The following ZSCAN10 variants were observed in gnomAD, a reference collection of about 807,000 sequenced individuals.
ZSCAN10 encodes zinc finger and SCAN domain-containing protein 10.
A neutral mutation model predicts 63.7 loss-of-function variants in ZSCAN10; 52 were observed. The ratio of observed to expected loss-of-function variants is 0.82; its 90% CI spans 0.65 to 1.03. ZSCAN10 has a LOEUF of 1.03. ZSCAN10 is among the 50% of genes least tolerant of loss of function. The pLI is 0.00. For synonymous variants in ZSCAN10, 544 were observed against 479.6 expected (o/e 1.13, Z -1.76); for missense variants, 1,223 against 1,103.8 (o/e 1.11, Z -1.53).
chr16:3,093,451 G>A (rs557769669), intron 1 of ZSCAN10: 1 of 151,226 alleles, frequency 6.6e-6, no homozygotes, highest in African/African-American at 2.4e-5. Context: ...GGGAGGCGGA[G>A]CTTACAGTGA....
In ZSCAN10 at chr16:3,089,248, C is replaced by A; in HGVS notation, c.2186G>T (p.Cys729Phe). The change falls in exon 6 of 6, where the codon TGC (cysteine) becomes TTC (phenylalanine). Residue 729 changes from cysteine to phenylalanine, a missense_variant. By Grantham distance (205) the Cys-to-Phe change is radical (BLOSUM62 -2). Coordinates refer to ENST00000576985, the MANE Select transcript of ZSCAN10 (RefSeq NM_032805.3). ...GCAGCTGCGGCTGAAGCTCTTCCCG[C>A]ACTCCACGCACTCCTGCGGGGGCTC... ...QAEPPQECVE[C>F]GKSFSRSCNL... 1 of 1,577,808 alleles carries A rather than the reference C, an allele frequency of 6.3e-7. No individual in the cohort carries two copies.
At position 3,090,397 on chromosome 16, in the gene ZSCAN10, T is replaced by C. The variant is rs1957056148; in HGVS notation, c.1037A>G (p.Gln346Arg). 1 of 1,613,626 alleles carries C rather than the reference T, an allele frequency of 6.2e-7. No individual in the cohort carries two copies. Residue 346 changes from glutamine (Q) to arginine (R), a missense_variant, in exon 6 of 6, where the codon CAG (glutamine) becomes CGG (arginine). Gln to Arg is a conservative substitution (Grantham distance 43, BLOSUM62 1). Transcript: ENST00000576985. The part of the protein sequence containing the change: ...EGVPEPNPEL[Q>R]FICADCGVSF... ...CACCCCGCAGTCCGCGCAGATGAAC[T>C]GCAACTCCGGATTGGGCTCGGGGAC...
At chr16:3,092,396 C>T (rs761493529) in intron 2 of ZSCAN10, 80 bp from the exon 3 acceptor site, 64 of 1,528,532 alleles carry the variant, frequency 4.2e-5, no homozygotes, top group East Asian at 9.1e-5. Flanking sequence ...GGGACAGAAA[C>T]GAGGTTAGAG....
At position 3,089,309 on chromosome 16, in the gene ZSCAN10, G is replaced by C. The variant is rs61732498; in HGVS notation, c.2125C>G (p.Leu709Val). The C allele has an allele frequency of 0.022, 35,017 of 1,571,790 alleles. 548 individuals carry two copies. Among genetic ancestry groups the C allele is most frequent in the Middle Eastern group, 0.057 (338 of 5,902 alleles). ...FRRNAHLRRH[L>V]ATHAEPGQEQ... is the part of the protein sequence containing the mutation. ...TGCCCGGGCTCCGCATGGGTAGCCA[G>C]GTGCCGCCGCAGATGCGCGTTGCGC... is the stretch of plus-strand genomic sequence containing the variant. The change falls in exon 6 of 6, where the codon CTG becomes GTG. Residue 709 changes from leucine to valine, a missense_variant. Coordinates refer to ENST00000576985, the MANE Select transcript of ZSCAN10 (RefSeq NM_032805.3).
chr16:3,093,826 A>G (rs1957121617), intron 1 of ZSCAN10, among the ~76,000 whole-genome samples: 1 of 151,716 alleles, frequency 6.6e-6, no homozygotes, highest in Non-Finnish European at 1.5e-5. Flanking sequence ...CTGGGATTAC[A>G]GGCCTGTGGC....
Position 3,089,852 on chromosome 16 carries a change from C to G in ZSCAN10, c.1582G>C (p.Gly528Arg), listed in dbSNP as rs1384439500. The G allele has an allele frequency of 3.2e-6, 5 of 1,545,534 alleles. No homozygotes were observed. The highest frequency in any genetic ancestry group is 4.3e-6 in the Non-Finnish European group (5 of 1,151,278). Residue 528 changes from glycine to arginine, a missense_variant, in exon 6 of 6, where the codon GGC (glycine) becomes CGC (arginine). By Grantham distance (125) the Gly-to-Arg change is moderately radical. Transcript: ENST00000576985. ...DRRPFVCSDC[G>R]KAFRRSEHLV... ...TGCTCGCTGCGCCGGAAGGCCTTGC[C>G]GCAGTCGCTGCACACGAAGGGCCTC...
chr16:3,092,965 G>T lies in ZSCAN10; in HGVS notation c.-28C>A. The T allele has an allele frequency of 2.1e-6, 3 of 1,404,084 alleles. No homozygotes were observed. Among genetic ancestry groups the T allele is most frequent in the Non-Finnish European group, 1.8e-6 (2 of 1,082,196 alleles). The allele number at this position is 1,404,084 out of a possible 1,614,324, so 87.0% of individuals were successfully genotyped here. On this transcript the variant is annotated 5_prime_UTR_variant, in exon 2 of 6. Coordinates refer to ENST00000576985, the MANE Select transcript of ZSCAN10 (RefSeq NM_032805.3). ...TTCACTGCGGGGATGCCTCCCTAAC[G>T]CCAGCCCCGCTCTTGGGTCTCTCTC...
chr16:3,090,737 AC>A, intron 5 of ZSCAN10, 91 bp from the exon 6 acceptor site: 1 of 1,405,692 alleles, frequency 7.1e-7, no homozygotes, highest in Non-Finnish European at 9.3e-7. Flanking sequence ...GTGGAAAGAA[AC>A]CCAGGATCCT....
At chr16:3,098,621 C>T (rs1042557287) in intron 1 of ZSCAN10, among the ~76,000 whole-genome samples, 1 of 152,168 alleles carries the variant, frequency 6.6e-6, no homozygotes, top group African/African-American at 2.4e-5. Context: ...TCCCTCCCCC[C>T]AGATCTCCAG....
At position 3,090,327 on chromosome 16, in the gene ZSCAN10, C is replaced by A. The variant is rs1254216665; in HGVS notation, c.1107G>T (p.Ser369=). 1 of 1,609,412 alleles carries A rather than the reference C, an allele frequency of 6.2e-7. No homozygotes were observed. The highest frequency in any genetic ancestry group is 8.5e-7 in the Non-Finnish European group (1 of 1,178,280). The change falls in exon 6 of 6, where the codon TCG becomes TCT. Residue 369 remains serine (S), a synonymous_variant. Coordinates refer to ENST00000576985, the MANE Select transcript of ZSCAN10 (RefSeq NM_032805.3). ...LSRLKAHQLR[S]HPAGRSFLCL... is the part of the protein sequence containing the mutation. ...ACAGGAAGGAGCGCCCAGCCGGGTG[C>A]GAGCGCAGCTGGTGCGCCTTCAGGC...
At position 3,090,456 on chromosome 16, in the gene ZSCAN10, G is replaced by A. The variant is rs771709554; in HGVS notation, c.978C>T (p.Ser326=). The A allele has an allele frequency of 1.7e-5, 27 of 1,613,718 alleles. No individual in the cohort carries two copies. Among genetic ancestry groups the A allele is most frequent in the Admixed American group, 1.2e-4 (7 of 60,000 alleles). ...GPGEDGSLLG[S]SEILEVKVAE... ...CCACTTTGACCTCCAAAATTTCACT[G>A]CTGCCAAGAAGGGACCCATCTTCAC... is the stretch of plus-strand genomic sequence containing the variant. Residue 326 remains serine, a synonymous_variant, in exon 6 of 6, where the codon AGC becomes AGT. Transcript: ENST00000576985.
rs762937703 is a variant in ZSCAN10, at chr16:3,089,666, G to A, written c.1768C>T (p.Arg590Trp). 1.3e-5 allele frequency: 20 copies of A among 1,594,872 alleles called. No homozygotes were observed. In the Admixed American group the frequency reaches 3.1e-4, roughly 25 times the overall value. Reference protein sequence around the residue: ...CPQCGKRFVRRASLARHLLTH... With the variant: ...CPQCGKRFVRWASLARHLLTH... ...AGCAGGTGGCGGGCAAGGCTGGCCC[G>A]GCGCACAAAGCGCTTCCCGCACTGC... The change falls in exon 6 of 6, where the codon CGG becomes TGG. Residue 590 changes from arginine to tryptophan, a missense_variant. By Grantham distance (101) the Arg-to-Trp change is moderately radical (BLOSUM62 -3). Coordinates refer to ENST00000576985, the MANE Select transcript of ZSCAN10 (RefSeq NM_032805.3).
chr16:3,089,882 C>G lies in ZSCAN10; in HGVS notation c.1552G>C (p.Asp518His). Residue 518 changes from aspartate (D) to histidine (H), a missense_variant, in exon 6 of 6, where the codon GAC (aspartate) becomes CAC (histidine). Physicochemically the swap from Asp to His is moderately conservative, Grantham distance 81. Coordinates refer to ENST00000576985, the MANE Select transcript of ZSCAN10 (RefSeq NM_032805.3). ...EGSGSRRRDSDRRPFVCSDCG... is the reference protein window; with the variant it reads ...EGSGSRRRDSHRRPFVCSDCG... The stretch of plus-strand genomic sequence containing the variant: ...TCGCTGCACACGAAGGGCCTCCGGT[C>G]GGAGTCCCGGCGGCGGCTGCCGGAG... The G allele has an allele frequency of 1.3e-6, 2 of 1,536,198 alleles. No homozygotes were observed. The highest frequency in any genetic ancestry group is 1.7e-6 in the Non-Finnish European group (2 of 1,146,030).
chr16:3,095,433 C>T (rs1272836795), intron 1 of ZSCAN10, among the ~76,000 whole-genome samples: 9 of 151,266 alleles, frequency 5.9e-5, no homozygotes, highest in Admixed American at 4.6e-4. Context: ...AGGAGAGTGG[C>T]GTGAACCCCG....
rs768537674 is a variant in ZSCAN10, at chr16:3,089,217, C to A, written c.2217G>T (p.Leu739=). 1 of 1,583,608 alleles carries A rather than the reference C, an allele frequency of 6.3e-7. No homozygotes were observed. Among genetic ancestry groups the A allele is most frequent in the East Asian group, 2.3e-5 (1 of 43,826 alleles). The part of the protein sequence containing the change: ...CGKSFSRSCN[L]LRHLLVHTGA... The stretch of plus-strand genomic sequence containing the variant: ...CCGTGTGCACCAGCAGGTGTCGCAG[C>A]AGATTGCAGCTGCGGCTGAAGCTCT... The change falls in exon 6 of 6, where the codon CTG becomes CTT. Residue 739 remains leucine, a synonymous_variant. Coordinates refer to ENST00000576985, the MANE Select transcript of ZSCAN10 (RefSeq NM_032805.3).
intron 5 of ZSCAN10, among the ~76,000 whole-genome samples, chr16:3,090,882 C>A (rs1460386975): frequency 7.1e-6 from 1 of 141,740 alleles, no homozygotes; most frequent in African/African-American, 2.7e-5. Flanking sequence ...GGTGAAGCCC[C>A]GTCTCTACAA....
intron 4 of ZSCAN10, 60 bp from the exon 5 acceptor site, chr16:3,091,657 C>G (rs749903820): frequency 2.5e-6 from 4 of 1,611,964 alleles, no homozygotes; most frequent in Middle Eastern, 1.6e-4. Flanking sequence ...CCTGTGGGGA[C>G]TGAAATGCTT....
chr16:3,096,965 C>G (rs1356935176), intron 1 of ZSCAN10, among the ~76,000 whole-genome samples: 3 of 150,870 alleles, frequency 2.0e-5, no homozygotes, highest in African/African-American at 7.4e-5. Flanking sequence ...GGCATGGTGG[C>G]ATGCATCTGT....
chr16:3,090,408 A>G lies in ZSCAN10; in HGVS notation c.1026T>C (p.Asn342=), dbSNP rs750577591. 5 of 1,613,704 alleles carry G rather than the reference A, an allele frequency of 3.1e-6. No individual in the cohort carries two copies. The highest frequency in any genetic ancestry group is 1.1e-5 in the South Asian group (1 of 91,080). ...CCGCGCAGATGAACTGCAACTCCGG[A>G]TTGGGCTCGGGGACGCCCTCAGCCA... ...VKVAEGVPEP[N]PELQFICADC... Residue 342 remains asparagine (N), a synonymous_variant, in exon 6 of 6, where the codon AAT becomes AAC. Coordinates refer to ENST00000576985, the MANE Select transcript of ZSCAN10 (RefSeq NM_032805.3).
Sources: allele counts gnomAD v4.1 joint callset (sites outside exome capture counted in the v4.1 genomes callset), GRCh38; gene constraint gnomAD v4.1.1; transcripts MANE v1.5; gene names NCBI Gene and HGNC (gene_info 2026-07-23, HGNC 2026-07-21).